The following DCN variants were observed in gnomAD, a reference collection of about 807,000 sequenced individuals.
The protein encoded by DCN is bone proteoglycan II.
Under a neutral mutation model 36.5 loss-of-function variants are expected in DCN, and 17 were observed. The observed-to-expected ratio is 0.47, with a 90% CI of 0.32 to 0.70. The LOEUF is 0.70. Among genes scored for constraint, DCN ranks in the 30% least tolerant of loss-of-function variants. The pLI, the probability that DCN is intolerant of heterozygous loss-of-function variation, is 0.04. For missense variants in DCN, 389 were observed against 430.1 expected, an observed-to-expected ratio of 0.90 and a Z score of 0.84; for synonymous variants, 163 against 161.4, an observed-to-expected ratio of 1.01 and a Z score of -0.07.
At chr12:91,148,925 T>C (rs1404369970) in intron 7 of DCN, among the ~76,000 whole-genome samples, 3 of 152,080 alleles carry the variant, frequency 2.0e-5, no homozygotes, top group African/African-American at 7.2e-5. Flanking sequence ...ATTTTGGAAG[T>C]TTCTTGTTGT....
At chr12:91,175,229 C>T (rs1269254558) in intron 2 of DCN, 2 of 151,634 alleles carry the variant, frequency 1.3e-5, no homozygotes, top group Non-Finnish European at 2.9e-5. Context: ...AGATATGGGT[C>T]TCATAAAATT....
At chr12:91,175,174 A>T (rs1883216288) in intron 2 of DCN, 1 of 152,130 alleles carries the variant, frequency 6.6e-6, no homozygotes, top group African/African-American at 2.4e-5. Context: ...GCTATAATTA[A>T]GAGGGAACTG....
chr12:91,146,117 G>A lies in DCN; in HGVS notation c.1021C>T (p.Pro341Ser). The A allele has an allele frequency of 6.2e-7, 1 of 1,613,846 alleles. No homozygotes were observed. Among genetic ancestry groups the A allele is most frequent in the South Asian group, 1.1e-5 (1 of 91,046 alleles). ...ACGTAGACACATCTGAAGGTGGATG[G>A]CTGTATCTCCCAGTACTGGACCGGG... The part of the protein sequence containing the change: ...SNPVQYWEIQ[P>S]STFRCVYVRS... The change falls in exon 8 of 8, where the codon CCA becomes TCA. Residue 341 changes from proline (P) to serine (S), a missense_variant. Transcript: ENST00000052754.
intron 3 of DCN, among the ~76,000 whole-genome samples, chr12:91,161,465 AT>A (rs1882152131): frequency 6.6e-6 from 1 of 152,214 alleles, no homozygotes; most frequent in Non-Finnish European, 1.5e-5. Context: ...AATAATATTC[AT>A]TTTTTATGGT....
intron 1 of DCN, among the ~76,000 whole-genome samples, chr12:91,182,143 C>G (rs13312813): frequency 0.12 from 17,783 of 152,066 alleles, 1,412 homozygotes; most frequent in African/African-American, 0.22. Context: ...TTTCACTTCT[C>G]TGGTGATAAT....
At chr12:91,148,721 C>CAAAAAAAAAAAAAAAAAAAAAAAAAAAAA (rs5799978) in intron 7 of DCN, among the ~76,000 whole-genome samples, 1 of 49,476 alleles carries the variant, frequency 2.0e-5, no homozygotes, top group South Asian at 1.2e-3. Context: ...CGCTCCGACT[C>CAAAAAAAAAAAAAAAAAAAAAAAAAAAAA]AAAAAAAAAA....
chr12:91,175,600 G>A (rs979746962), intron 2 of DCN: 4 of 151,966 alleles, frequency 2.6e-5, no homozygotes, highest in African/African-American at 9.7e-5. Flanking sequence ...ACATTATTTC[G>A]ATAATAAGAT....
intron 2 of DCN, among the ~76,000 whole-genome samples, chr12:91,167,511 CATCT>C (rs1882653130): frequency 6.6e-6 from 1 of 151,358 alleles, no homozygotes; most frequent in African/African-American, 2.4e-5. Flanking sequence ...TTTCTGAGAC[CATCT>C]GAGACCATTT....
chr12:91,170,196 G>A (rs1165848517), intron 2 of DCN, among the ~76,000 whole-genome samples: 1 of 152,052 alleles, frequency 6.6e-6, no homozygotes, highest in East Asian at 1.9e-4. Context: ...TCCTACCATA[G>A]TGCATAGCAG....
At chr12:91,150,194 G>C (rs1367709635) in intron 7 of DCN, among the ~76,000 whole-genome samples, 1 of 152,086 alleles carries the variant, frequency 6.6e-6, no homozygotes, top group Non-Finnish European at 1.5e-5. Flanking sequence ...GTATAATACT[G>C]TCATATGACT....
At position 91,141,459 on chromosome 12, in the gene DCN, A is replaced by C. The variant is rs1880753525; in HGVS notation, c.*4599T>G. The C allele has an allele frequency of 6.6e-6, 1 of 151,552 alleles. No individual in the cohort carries two copies. The highest frequency in any genetic ancestry group is 2.4e-5 in the African/African-American group (1 of 41,196). 9.4% of individuals were successfully genotyped at this position (151,552 alleles called of 1,614,324 possible). On this transcript the variant is annotated 3_prime_UTR_variant, in exon 8 of 8. Coordinates refer to ENST00000052754, the MANE Select transcript of DCN (RefSeq NM_001920.5). The stretch of plus-strand genomic sequence containing the variant: ...AAATAGCAAGTCTCACCCCCTTCAC[A>C]TCCCTTATTCCCCAGTTCTGCTTGA...
rs1882427385 is a variant in DCN at position 91,164,700 on chromosome 12, T to G, written c.229A>C (p.Lys77Gln). ...AGAGTTGTGTCAGGGGGAAGATCCT[T>G]TGGCACTTTGTCCAGACCTAGCATA... The part of the protein sequence containing the change: ...CSDLGLDKVP[K>Q]DLPPDTTLLD... Residue 77 changes from lysine (K) to glutamine (Q), a missense_variant, in exon 3 of 8, where the codon AAG (lysine) becomes CAG (glutamine). Transcript: ENST00000052754. 1 of 1,606,340 alleles carries G rather than the reference T, an allele frequency of 6.2e-7. No homozygotes were observed. Among genetic ancestry groups the G allele is most frequent in the Admixed American group, 1.7e-5 (1 of 59,994 alleles).
intron 2 of DCN, chr12:91,169,608 C>T (rs1236673847): frequency 6.6e-6 from 1 of 151,990 alleles, no homozygotes; most frequent in South Asian, 2.1e-4. Flanking sequence ...AGAAAAATAA[C>T]GGCATTAGTT....
chr12:91,178,405 G>A lies in DCN; in HGVS notation c.148C>T (p.Leu50=). The change falls in exon 2 of 8, where the codon CTA becomes TTA. Residue 50 remains leucine (L), a synonymous_variant. Transcript: ENST00000052754. ...CAGCGGAAGGGGCACACTGGGCCTAGGGAGGGCTCGAAGTCGCGGTCATCA... is the reference window on the plus strand; with the variant it reads ...CAGCGGAAGGGGCACACTGGGCCTAAGGAGGGCTCGAAGTCGCGGTCATCA... ...VPDDRDFEPS[L]GPVCPFRCQC... is the part of the protein sequence containing the mutation. 2 of 1,614,030 alleles carry A rather than the reference G, an allele frequency of 1.2e-6. No individual in the cohort carries two copies. The highest frequency in any genetic ancestry group is 1.7e-6 in the Non-Finnish European group (2 of 1,179,996).
intron 7 of DCN, 27 bp downstream of exon 7, chr12:91,151,627 C>A (rs959570598): frequency 1.9e-6 from 3 of 1,613,418 alleles, no homozygotes; most frequent in Non-Finnish European, 2.5e-6. Flanking sequence ...TTGGATATTC[C>A]TCACATAAGC....
At chr12:91,174,373 G>T (rs1409992775) in intron 2 of DCN, among the ~76,000 whole-genome samples, 1 of 151,908 alleles carries the variant, frequency 6.6e-6, no homozygotes, top group African/African-American at 2.4e-5. Flanking sequence ...TCTCTAATAA[G>T]TATATGGCTT....
chr12:91,168,592 GA>G (rs1882734031), intron 2 of DCN, among the ~76,000 whole-genome samples: 2 of 152,294 alleles, frequency 1.3e-5, no homozygotes, highest in South Asian at 4.1e-4. Context: ...GTCCCATGAT[GA>G]AAAGTTTATG....
At position 91,142,774 on chromosome 12, in the gene DCN, A is replaced by C. The variant is rs548762265; in HGVS notation, c.*3284T>G. The C allele has an allele frequency of 9.8e-4, 150 of 152,316 alleles. No homozygotes were observed. Among genetic ancestry groups the C allele is most frequent in the African/African-American group, 3.6e-3 (148 of 41,586 alleles). 9.4% of individuals were successfully genotyped at this position (152,316 alleles called of 1,614,324 possible). A position where few individuals can be genotyped will look rare whatever the true frequency, so the allele number is the denominator to read the frequency against. ...TTCCAACCAGGAGGGGTCAGAGACA[A>C]ATTTTTAAGTTTCCAACCTTTTATG... On this transcript the variant is annotated 3_prime_UTR_variant, in exon 8 of 8. Coordinates refer to ENST00000052754, the MANE Select transcript of DCN (RefSeq NM_001920.5).
At chr12:91,167,768 T>A (rs907193506) in intron 2 of DCN, among the ~76,000 whole-genome samples, 2 of 152,214 alleles carry the variant, frequency 1.3e-5, no homozygotes, top group African/African-American at 4.8e-5. Context: ...AGGTGCCTCA[T>A]GGCTAAAGTA....
Sources: gnomAD v4.1 joint callset for allele counts (sites outside exome capture counted in the v4.1 genomes callset) on GRCh38, gnomAD v4.1.1 for gene constraint, MANE v1.5 for transcripts, NCBI Gene and HGNC (gene_info 2026-07-23, HGNC 2026-07-21) for gene names.